MRPL11: variants seen among roughly 807,000 people sequenced by gnomAD.
MRPL11 encodes the protein mitochondrial ribosomal protein L11, also known as large ribosomal subunit protein uL11m.
In MRPL11, 21 loss-of-function variants were observed where a neutral mutation model predicts 19.1. That is an observed-to-expected ratio of 1.10 (90% CI 0.78 to 1.58). MRPL11 has a LOEUF of 1.58. Among genes scored for constraint, MRPL11 ranks in the 40% most tolerant of loss-of-function variants. The probability of loss-of-function intolerance (pLI) is 0.00; values close to 1 mark genes in which losing one functional copy is unlikely to be tolerated. For missense variants in MRPL11, 242 were observed against 243.9 expected (o/e 0.99, Z 0.05); for synonymous variants, 108 against 99.7 (o/e 1.08, Z -0.49).
chr11:66,436,912 A>G, intron 4 of MRPL11, 192 bp downstream of exon 4: 1 of 1,612,522 alleles, frequency 6.2e-7, no homozygotes. Flanking sequence ...AACAACGTCT[A>G]ATACATAACA....
intron 4 of MRPL11, chr11:66,436,669 C>A: frequency 1.5e-6 from 1 of 662,132 alleles, no homozygotes; most frequent in Non-Finnish European, 2.7e-6. Flanking sequence ...CACCCTCCCA[C>A]CCAACATCTT....
At chr11:66,436,190 G>C in intron 4 of MRPL11, 78 bp from the exon 5 acceptor site, 2 of 1,250,514 alleles carry the variant, frequency 1.6e-6, no homozygotes, top group Non-Finnish European at 2.3e-6. Context: ...GTCTTGCAGG[G>C]GCTTGAAGGG....
At chr11:66,436,874 A>T (rs1195339024) in intron 4 of MRPL11, 1 of 1,614,114 alleles carries the variant, frequency 6.2e-7, no homozygotes, top group Non-Finnish European at 8.5e-7. Flanking sequence ...CTTCATGGAG[A>T]TCTTTCCATT....
Position 66,436,027 on chromosome 11 carries a change from C to T in MRPL11, c.559G>A (p.Glu187Lys), listed in dbSNP as rs750440982. The change falls in exon 5 of 5, where the codon GAA becomes AAA. Residue 187 changes from glutamate to lysine, a missense_variant. Transcript: ENST00000310999. ...AAGGGTCACTTCTTGGCAGCTTCTT[C>T]TTGGGCAGCCAAATCTGCCTCCTTC... ...AQKEADLAAQ[E>K]EAAKK The T allele has an allele frequency of 6.2e-6, 10 of 1,613,678 alleles. No individual in the cohort carries two copies. The Admixed American group carries it at 8.3e-5, about 13-fold the overall frequency.
At chr11:66,436,212 C>T in intron 4 of MRPL11, 100 bp from the exon 5 acceptor site, 1 of 945,308 alleles carries the variant, frequency 1.1e-6, no homozygotes, top group Non-Finnish European at 1.6e-6. Context: ...CCCCTGTCTC[C>T]AAGCCCAGCT....
chr11:66,438,014 G>A (rs1384471958), intron 2 of MRPL11, 150 bp downstream of exon 2: 1 of 612,608 alleles, frequency 1.6e-6, no homozygotes, highest in Non-Finnish European at 2.9e-6. Context: ...GGCTGGTTCA[G>A]AAAAAATATG....
intron 4 of MRPL11, chr11:66,436,824 C>T (rs562299536): frequency 1.7e-5 from 28 of 1,613,384 alleles, no homozygotes; most frequent in South Asian, 8.8e-5. Context: ...GCCTCTAGGA[C>T]GACAGACCCA....
At position 66,435,805 on chromosome 11, in the gene MRPL11, C is replaced by T. The variant is rs2134658168; in HGVS notation, c.*202G>A. The T allele has an allele frequency of 1.3e-5, 7 of 550,922 alleles. No individual in the cohort carries two copies. In the South Asian group the frequency reaches 1.5e-4, roughly 12 times the overall value. 34.1% of individuals were successfully genotyped at this position (550,922 alleles called of 1,614,324 possible). The stretch of plus-strand genomic sequence containing the variant: ...GGCTACCACCAGTACTGGTTCCCTT[C>T]CCTGAGGTCCCAAGATAGAAGATGA... On this transcript the variant is annotated 3_prime_UTR_variant, in exon 5 of 5. Coordinates refer to ENST00000310999, the MANE Select transcript of MRPL11 (RefSeq NM_016050.5).
chr11:66,437,586 A>C, intron 2 of MRPL11, 143 bp from the exon 3 acceptor site: 1 of 788,830 alleles, frequency 1.3e-6, no homozygotes, highest in Non-Finnish European at 2.0e-6. Context: ...AAAAAAATAA[A>C]TCGGGGTCAG....
chr11:66,437,517 C>G (rs1370708146), intron 2 of MRPL11, 74 bp from the exon 3 acceptor site: 2 of 1,355,170 alleles, frequency 1.5e-6, no homozygotes, highest in African/African-American at 2.9e-5. Context: ...TGTCTTGCCC[C>G]CTGCTTCCTT....
At position 66,435,224 on chromosome 11, in the gene MRPL11, C is replaced by T. The variant is rs771419662; in HGVS notation, c.*783G>A. 4.6e-5 allele frequency: 7 copies of T among 152,254 alleles called. No homozygotes were observed. Among genetic ancestry groups the T allele is most frequent in the Non-Finnish European group, 7.3e-5 (5 of 68,054 alleles). 9.4% of individuals were successfully genotyped at this position (152,254 alleles called of 1,614,324 possible). A position where few individuals can be genotyped will look rare whatever the true frequency, so the allele number is the denominator to read the frequency against. The stretch of plus-strand genomic sequence containing the variant: ...TCTCCCCCAACTCCTGCTCTCTTCT[C>T]TGAAAGGACAATGAGGAAATAGAAG... On this transcript the variant is annotated 3_prime_UTR_variant, in exon 5 of 5. Coordinates refer to ENST00000310999, the MANE Select transcript of MRPL11 (RefSeq NM_016050.5).
At chr11:66,438,287 G>T in intron 1 of MRPL11, 28 bp from the exon 2 acceptor site, 1 of 1,548,602 alleles carries the variant, frequency 6.5e-7, no homozygotes, top group Non-Finnish European at 8.9e-7. Context: ...GGGGTTAGTG[G>T]TGAGAGGAGG....
At position 66,435,124 on chromosome 11, in the gene MRPL11, A is replaced by C. The variant is rs930969943; in HGVS notation, c.*883T>G. 1.3e-5 allele frequency: 2 copies of C among 152,208 alleles called. No homozygotes were observed. The highest frequency in any genetic ancestry group is 4.8e-5 in the African/African-American group (2 of 41,440). The allele number at this position is 152,208 out of a possible 1,614,324, so 9.4% of individuals were successfully genotyped here. ...TTTATTTTCTTTTAGGTGTTTATCT[A>C]TGCTTTCCATATTTTCTCAGTGTAA... On this transcript the variant is annotated 3_prime_UTR_variant, in exon 5 of 5. Transcript: ENST00000310999.
chr11:66,438,678 G>A lies in MRPL11; in HGVS notation c.77C>T (p.Ala26Val). 6.3e-7 allele frequency: 1 copy of A among 1,574,956 alleles called. No individual in the cohort carries two copies. The highest frequency in any genetic ancestry group is 8.6e-7 in the Non-Finnish European group (1 of 1,158,642). The stretch of plus-strand genomic sequence containing the variant: ...TGGGGGCCCGGGCATGGCCAGGCCT[G>A]CCCGCACGATCGCCCGGATCACACC... Reference protein sequence around the residue: ...VGGVIRAIVRAGLAMPGPPLG... With the variant: ...VGGVIRAIVRVGLAMPGPPLG... The change falls in exon 1 of 5, where the codon GCA becomes GTA. Residue 26 changes from alanine (A) to valine (V), a missense_variant. Coordinates refer to ENST00000310999, the MANE Select transcript of MRPL11 (RefSeq NM_016050.5).
At position 66,435,778 on chromosome 11, in the gene MRPL11, T is replaced by C. The variant is rs1856953468; in HGVS notation, c.*229A>G. On this transcript the variant is annotated 3_prime_UTR_variant, in exon 5 of 5. Transcript: ENST00000310999. ...CCCAATTTCCTAATGTCTGCCCATATTGGCTACCACCAGTACTGGTTCCCT... is the reference window on the plus strand; with the variant it reads ...CCCAATTTCCTAATGTCTGCCCATACTGGCTACCACCAGTACTGGTTCCCT... The C allele has an allele frequency of 2.2e-6, 1 of 460,918 alleles. No individual in the cohort carries two copies. Among genetic ancestry groups the C allele is most frequent in the Non-Finnish European group, 4.0e-6 (1 of 252,936 alleles). The allele number at this position is 460,918 out of a possible 1,614,324, so 28.6% of individuals were successfully genotyped here.
Position 66,438,766 on chromosome 11 carries a change from G to A in MRPL11, c.-12C>T. The A allele has an allele frequency of 2.0e-6, 3 of 1,537,598 alleles. No homozygotes were observed. Among genetic ancestry groups the A allele is most frequent in the East Asian group, 4.8e-5 (2 of 42,030 alleles). On this transcript the variant is annotated 5_prime_UTR_variant, in exon 1 of 5. Transcript: ENST00000310999. Reference sequence around the variant, plus strand: ...CCGAGCTTTGACATGATGCGGGGCTGCTGGCTTCAGTTCACCTCAGGGGAG... The same window carrying A: ...CCGAGCTTTGACATGATGCGGGGCTACTGGCTTCAGTTCACCTCAGGGGAG...
intron 1 of MRPL11, 105 bp downstream of exon 1, chr11:66,438,527 C>G (rs1375719145): frequency 1.1e-5 from 15 of 1,427,530 alleles, no homozygotes; most frequent in Admixed American, 4.6e-5. Context: ...CAGAGCCGAG[C>G]TCTGAACCGA....
In MRPL11 at chr11:66,438,726, C is replaced by T; in HGVS notation, c.29G>A (p.Gly10Asp). The change falls in exon 1 of 5, where the codon GGC becomes GAC. Residue 10 changes from glycine to aspartate, a missense_variant. Coordinates refer to ENST00000310999, the MANE Select transcript of MRPL11 (RefSeq NM_016050.5). MSKLGRAAR[G>D]LRKPEVGGVI... ...ACCGCCGACCTCGGGCTTCCTGAGG[C>T]CCCGGGCGGCCCGGCCGAGCTTTGA... is the stretch of plus-strand genomic sequence containing the variant. 1 of 1,578,410 alleles carries T rather than the reference C, an allele frequency of 6.3e-7. No individual in the cohort carries two copies. The highest frequency in any genetic ancestry group is 8.6e-7 in the Non-Finnish European group (1 of 1,161,168).
At chr11:66,436,858 T>G in intron 4 of MRPL11, 1 of 1,614,166 alleles carries the variant, frequency 6.2e-7, no homozygotes, top group Non-Finnish European at 8.5e-7. Context: ...TTCTCCCACT[T>G]GGATCCTTCA....
Sources: gnomAD v4.1 joint callset for allele counts on GRCh38, gnomAD v4.1.1 for gene constraint, MANE v1.5 for transcripts, NCBI Gene and HGNC (gene_info 2026-07-23, HGNC 2026-07-21) for gene names.